Variants in EPHA6 observed in about 807,000 individuals in gnomAD.
EPHA6 encodes EPH receptor A6.
Under a neutral mutation model 112.0 loss-of-function variants are expected in EPHA6, and 50 were observed. The observed-to-expected ratio is 0.45, with a 90% CI of 0.36 to 0.56. EPHA6 has a LOEUF of 0.56. Ranked by LOEUF, EPHA6 falls within the 20% of genes least tolerant of loss-of-function variation. The pLI, the probability that EPHA6 is intolerant of heterozygous loss-of-function variation, is 0.00. For missense variants in EPHA6, 1,280 were observed against 1,417.4 expected (o/e 0.90, Z 1.56); for synonymous variants, 529 against 490.7 (o/e 1.08, Z -1.03).
At chr3:97,232,493 C>A (rs2078558034) in intron 4 of EPHA6, among the ~76,000 whole-genome samples, 1 of 152,192 alleles carries the variant, frequency 6.6e-6, no homozygotes, top group East Asian at 1.9e-4. Flanking sequence ...ATGCCTAAGA[C>A]CTTTTCACAA....
At chr3:97,243,870 GT>G (rs2078916097) in intron 4 of EPHA6, 81 bp from the exon 5 acceptor site, 2 of 1,028,608 alleles carry the variant, frequency 1.9e-6, no homozygotes, top group African/African-American at 3.3e-5. Flanking sequence ...AGCAACAAGT[GT>G]TTATTGATGA....
At position 97,368,622 on chromosome 3, in the gene EPHA6, A is replaced by G. The variant is rs374553100; in HGVS notation, c.1607-36528A>G. On this transcript the variant is annotated intron_variant, in intron 5 of 17. Coordinates refer to ENST00000389672, the MANE Select transcript of EPHA6 (RefSeq NM_001080448.3). ...GAATTTAACCTGTTTCAATGATGAT[A>G]TATCTTCAGAATGAATGAATTAATG... Among the ~76,000 whole-genome samples the G allele has an allele frequency of 1.2e-4, 18 of 152,320 alleles. No homozygotes were observed. The South Asian group carries it at 3.7e-3, about 32-fold the overall frequency.
intron 3 of EPHA6, among the ~76,000 whole-genome samples, chr3:97,205,092 T>G (rs544323860): frequency 6.6e-6 from 1 of 152,130 alleles, no homozygotes; most frequent in African/African-American, 2.4e-5. Context: ...ACAAAAGCAC[T>G]CATTCCAATC....
chr3:97,441,348 C>A, intron 6 of EPHA6: 2 of 480,628 alleles, frequency 4.2e-6, no homozygotes, highest in Non-Finnish European at 5.4e-6. Flanking sequence ...ACATAAAATT[C>A]ACTTGGCAAC....
At chr3:97,147,447 A>ATGCCAGTCACTG (rs2080904676) in intron 3 of EPHA6, among the ~76,000 whole-genome samples, 2 of 151,910 alleles carry the variant, frequency 1.3e-5, no homozygotes, top group Admixed American at 1.3e-4. Context: ...TTTTCTGCAA[A>ATGCCAGTCACTG]GCACAATGCC....
At chr3:97,297,265 T>C (rs2080906184) in intron 5 of EPHA6, among the ~76,000 whole-genome samples, 1 of 152,208 alleles carries the variant, frequency 6.6e-6, no homozygotes, top group South Asian at 2.1e-4. Flanking sequence ...TCCCCTTCCA[T>C]GCTTCAGGTA....
At chr3:97,636,392 G>A (rs2093945247) in intron 13 of EPHA6, among the ~76,000 whole-genome samples, 1 of 152,016 alleles carries the variant, frequency 6.6e-6, no homozygotes, top group Non-Finnish European at 1.5e-5. Context: ...CTAAGAAGAT[G>A]GATTTGAAAC....
At chr3:97,075,171 G>A (rs1214561011) in intron 3 of EPHA6, among the ~76,000 whole-genome samples, 1 of 151,976 alleles carries the variant, frequency 6.6e-6, no homozygotes, top group African/African-American at 2.4e-5. Flanking sequence ...ATACAGAGTA[G>A]AAAAGAGATG....
intron 14 of EPHA6, among the ~76,000 whole-genome samples, chr3:97,668,462 C>A (rs900826234): frequency 3.3e-5 from 5 of 152,098 alleles, no homozygotes; most frequent in African/African-American, 9.7e-5. Context: ...ATCAGGATCC[C>A]TCCTTCAGAT....
chr3:96,986,866 C>A (rs1403291099), intron 2 of EPHA6, among the ~76,000 whole-genome samples: 2 of 152,110 alleles, frequency 1.3e-5, no homozygotes, highest in Non-Finnish European at 1.5e-5. Context: ...AGAAAACACA[C>A]CACAATTTGT....
intron 3 of EPHA6, among the ~76,000 whole-genome samples, chr3:97,080,727 A>T (rs1233369218): frequency 1.3e-5 from 2 of 152,072 alleles, no homozygotes; most frequent in African/African-American, 4.8e-5. Context: ...AATGTTTCAT[A>T]TGTATGTGGT....
chr3:97,257,383 A>G lies in EPHA6; in HGVS notation c.1606+13096A>G, dbSNP rs538740057. 1.7e-3 allele frequency among the ~76,000 whole-genome samples: 253 copies of G among 152,148 alleles called. 2 individuals carry two copies. Among genetic ancestry groups the G allele is most frequent in the Non-Finnish European group, 2.9e-3 (196 of 67,876 alleles). ...AACCATGGTAAAATTGGCAAAAGAC[A>G]AGAGCGATCAATTCTGAGAAAAAAG... On this transcript the variant is annotated intron_variant, in intron 5 of 17. Transcript: ENST00000389672.
chr3:97,412,785 A>G (rs2087817841), intron 6 of EPHA6, among the ~76,000 whole-genome samples: 1 of 152,056 alleles, frequency 6.6e-6, no homozygotes, highest in Admixed American at 6.6e-5. Flanking sequence ...CTATTTTTAA[A>G]TGATTATTTT....
At chr3:97,359,081 A>T (rs1445760624) in intron 5 of EPHA6, among the ~76,000 whole-genome samples, 1 of 142,530 alleles carries the variant, frequency 7.0e-6, no homozygotes, top group Non-Finnish European at 1.5e-5. Context: ...TTGGATATTT[A>T]TATCCATGTC....
chr3:97,732,295 C>T (rs1261956427), intron 15 of EPHA6, among the ~76,000 whole-genome samples: 1 of 151,392 alleles, frequency 6.6e-6, no homozygotes, highest in Non-Finnish European at 1.5e-5. Flanking sequence ...CACCCTTTCA[C>T]ATAACCCTTA....
chr3:96,833,407 G>A (rs1168537248), intron 1 of EPHA6, among the ~76,000 whole-genome samples: 2 of 151,902 alleles, frequency 1.3e-5, no homozygotes, highest in Admixed American at 1.3e-4. Context: ...TGAAACCTCA[G>A]CCTCAGACTT....
At chr3:97,209,570 T>C (rs2077809402) in intron 3 of EPHA6, among the ~76,000 whole-genome samples, 1 of 152,220 alleles carries the variant, frequency 6.6e-6, no homozygotes, top group African/African-American at 2.4e-5. Flanking sequence ...TTGTATTGAT[T>C]GCCAGCATGA....
intron 2 of EPHA6, among the ~76,000 whole-genome samples, chr3:96,880,821 G>T (rs1467449879): frequency 6.6e-6 from 1 of 152,022 alleles, no homozygotes; most frequent in Non-Finnish European, 1.5e-5. Context: ...TTTACTTAGC[G>T]TGGTTTTGTT....
intron 5 of EPHA6, among the ~76,000 whole-genome samples, chr3:97,397,618 C>G (rs2086768404): frequency 6.6e-6 from 1 of 151,486 alleles, no homozygotes; most frequent in Admixed American, 6.6e-5. Context: ...TGATTCAGTT[C>G]TTACATAGTA....
Sources: allele counts gnomAD v4.1 joint callset (sites outside exome capture counted in the v4.1 genomes callset), GRCh38; gene constraint gnomAD v4.1.1; transcripts MANE v1.5; gene names NCBI Gene and HGNC (gene_info 2026-07-23, HGNC 2026-07-21).